The following PLXNA4 variants were observed in gnomAD, a reference collection of about 807,000 sequenced individuals.
The protein encoded by PLXNA4 is plexin-A4.
A neutral mutation model predicts 191.8 loss-of-function variants in PLXNA4; 44 were observed. The ratio of observed to expected loss-of-function variants is 0.23; its 90% CI spans 0.18 to 0.29. The LOEUF is 0.29. Among genes scored for constraint, PLXNA4 ranks in the 10% least tolerant of loss-of-function variants. The probability of loss-of-function intolerance (pLI) is 1.00; values close to 1 mark genes in which losing one functional copy is unlikely to be tolerated. For missense variants in PLXNA4, 1,800 were observed against 2,488.8 expected, an observed-to-expected ratio of 0.72 and a Z score of 5.89; for synonymous variants, 1,082 against 1,009.5, an observed-to-expected ratio of 1.07 and a Z score of -1.36.
At chr7:132,131,495 G>A (rs551154010) in intron 31 of PLXNA4, among the ~76,000 whole-genome samples, 1 of 152,232 alleles carries the variant, frequency 6.6e-6, no homozygotes, top group African/African-American at 2.4e-5. Flanking sequence ...AGTTTGAGGG[G>A]CAGGGAAAAG....
At chr7:132,591,419 T>G (rs187461660) in intron 2 of PLXNA4, among the ~76,000 whole-genome samples, 105 of 152,310 alleles carry the variant, frequency 6.9e-4, no homozygotes, top group Non-Finnish European at 7.4e-4. Context: ...CCAGAGTGAA[T>G]TATGAGTGCC....
At chr7:132,385,209 G>A (rs761275792) in intron 3 of PLXNA4, 1 of 1,613,948 alleles carries the variant, frequency 6.2e-7, no homozygotes, top group Non-Finnish European at 8.5e-7. Context: ...AACAGCTGGA[G>A]AACAGGAGTT....
chr7:132,299,755 A>G (rs1243161449), intron 3 of PLXNA4, among the ~76,000 whole-genome samples: 3 of 152,116 alleles, frequency 2.0e-5, no homozygotes, highest in Non-Finnish European at 4.4e-5. Flanking sequence ...GTTGTCCGTG[A>G]TGAGCATAAA....
chr7:132,381,450 G>A (rs1804888927), intron 3 of PLXNA4, among the ~76,000 whole-genome samples: 1 of 152,198 alleles, frequency 6.6e-6, no homozygotes, highest in South Asian at 2.1e-4. Flanking sequence ...TGAAGAATCT[G>A]CTAGACTTCT....
Position 132,204,208 on chromosome 7 carries a change from G to A in PLXNA4, c.2299-789C>T, listed in dbSNP as rs541684039. On this transcript the variant is annotated intron_variant, in intron 10 of 31. Coordinates refer to ENST00000321063, the MANE Select transcript of PLXNA4 (RefSeq NM_020911.2). ...CTACCTGGCTGAGAGATAGGAGGTG[G>A]AGGGTGGAGAGAAGAGGGAGGTGCT... Among the ~76,000 whole-genome samples, 12 of 152,354 alleles carry A rather than the reference G, an allele frequency of 7.9e-5. No individual in the cohort carries two copies. In the East Asian group the frequency reaches 1.9e-3, roughly 25 times the overall value.
intron 3 of PLXNA4, among the ~76,000 whole-genome samples, chr7:132,366,881 C>T (rs1804209173): frequency 6.6e-6 from 1 of 152,122 alleles, no homozygotes; most frequent in Non-Finnish European, 1.5e-5. Context: ...CCCACCTCAG[C>T]CTCCTGAGTA....
intron 3 of PLXNA4, among the ~76,000 whole-genome samples, chr7:132,328,320 C>A (rs898887910): frequency 6.6e-6 from 1 of 152,178 alleles, no homozygotes; most frequent in Non-Finnish European, 1.5e-5. Context: ...AGCTGCATTT[C>A]TGATCTTCTC....
chr7:132,205,078 G>C (rs1469289382), intron 10 of PLXNA4, among the ~76,000 whole-genome samples: 1 of 152,198 alleles, frequency 6.6e-6, no homozygotes, highest in Non-Finnish European at 1.5e-5. Context: ...GCCAGGGTCC[G>C]AGCTCACAGA....
chr7:132,525,283 G>A (rs148892460), intron 1 of PLXNA4, among the ~76,000 whole-genome samples: 159 of 152,160 alleles, frequency 1.0e-3, no homozygotes, highest in South Asian at 4.8e-3. Flanking sequence ...ACTCGGTCTC[G>A]CTGTCACCGA....
Position 132,441,776 on chromosome 7 carries a change from A to G in PLXNA4, c.1371+47516T>C, listed in dbSNP as rs146594868. ...ATAATAATCCTATTCCTTGGCTGCC[A>G]GTCAGGGAAATGAAGGTCTCACAAA... is the stretch of plus-strand genomic sequence containing the variant. On this transcript the variant is annotated intron_variant, in intron 3 of 31. Coordinates refer to ENST00000321063, the MANE Select transcript of PLXNA4 (RefSeq NM_020911.2). Among the ~76,000 whole-genome samples the G allele has an allele frequency of 3.7e-3, 557 of 152,364 alleles. 1 individual carries two copies. Among genetic ancestry groups the G allele is most frequent in the Admixed American group, 6.8e-3 (104 of 15,302 alleles).
In PLXNA4 at chr7:132,179,911, C is replaced by T; in HGVS notation, c.3650G>A (p.Gly1217Asp). 6.2e-7 allele frequency: 1 copy of T among 1,606,562 alleles called. No individual in the cohort carries two copies. The highest frequency in any genetic ancestry group is 8.5e-7 in the Non-Finnish European group (1 of 1,175,824). ...CATCCCCGGGGAGTACTCCATGCCA[C>T]CGACACGGGCCTGGGGGCACACAGG... ...IGRHKVMARV[G>D]GMEYSPGMVY... The change falls in exon 20 of 32, where the codon GGT becomes GAT. Residue 1217 changes from glycine to aspartate, a missense_variant. This residue lies in a region of PLXNA4 where 1,397 missense variants were observed against 1,880.4 expected (regional missense o/e 0.74). Transcript: ENST00000321063.
chr7:132,415,770 G>A (rs1293915865), intron 3 of PLXNA4, among the ~76,000 whole-genome samples: 1 of 152,182 alleles, frequency 6.6e-6, no homozygotes, highest in Non-Finnish European at 1.5e-5. Flanking sequence ...TATTTTACAG[G>A]TGAGGAAACT....
chr7:132,607,278 G>T (rs1010724038), intron 2 of PLXNA4, among the ~76,000 whole-genome samples: 3 of 152,084 alleles, frequency 2.0e-5, no homozygotes, highest in African/African-American at 7.2e-5. Context: ...TGCCAATATG[G>T]CTCAAGTTGT....
At chr7:132,565,592 G>C (rs1446999126) in intron 1 of PLXNA4, among the ~76,000 whole-genome samples, 1 of 152,112 alleles carries the variant, frequency 6.6e-6, no homozygotes, top group African/African-American at 2.4e-5. Flanking sequence ...GGTCCAAGCA[G>C]GGAAACAAAG....
intron 3 of PLXNA4, among the ~76,000 whole-genome samples, chr7:132,462,155 G>T (rs1796531845): frequency 6.6e-6 from 1 of 152,152 alleles, no homozygotes; most frequent in African/African-American, 2.4e-5. Context: ...GGAGGAGAAG[G>T]ACTAAAATCA....
intron 3 of PLXNA4, among the ~76,000 whole-genome samples, chr7:132,312,610 G>A (rs1245814531): frequency 1.3e-5 from 2 of 152,130 alleles, no homozygotes; most frequent in African/African-American, 4.8e-5. Flanking sequence ...TTTTAGGTTT[G>A]CCCAAGAAAT....
rs569588587 is a variant in PLXNA4 at position 132,188,833 on chromosome 7, C to T, written c.2857-1226G>A. ...CTCTCTCATCAACAAAATCAGGGGGCTGAGCCAAAAAGTGGTGATCTTCAA... is the reference window on the plus strand; with the variant it reads ...CTCTCTCATCAACAAAATCAGGGGGTTGAGCCAAAAAGTGGTGATCTTCAA... On this transcript the variant is annotated intron_variant, in intron 14 of 31. Transcript: ENST00000321063. Among the ~76,000 whole-genome samples the T allele has an allele frequency of 8.6e-5, 13 of 151,770 alleles. No individual in the cohort carries two copies. The South Asian group carries it at 1.5e-3, about 17-fold the overall frequency.
intron 3 of PLXNA4, chr7:132,484,703 G>T: frequency 6.7e-7 from 1 of 1,495,744 alleles, no homozygotes; most frequent in South Asian, 1.3e-5. Context: ...TCTATTTGGT[G>T]TTCCAACATT....
At chr7:132,638,074 G>A (rs953658593) in intron 2 of PLXNA4, among the ~76,000 whole-genome samples, 3 of 152,220 alleles carry the variant, frequency 2.0e-5, no homozygotes, top group African/African-American at 7.2e-5. Flanking sequence ...GGCCCAGGCT[G>A]AAGCCTGGGC....
Sources: allele counts gnomAD v4.1 joint callset (sites outside exome capture counted in the v4.1 genomes callset), GRCh38; gene constraint gnomAD v4.1.1; regional missense constraint gnomAD v4.1.1; transcripts MANE v1.5; gene names NCBI Gene and HGNC (gene_info 2026-07-23, HGNC 2026-07-21).